Variants in PXDC1 observed in about 807,000 individuals in gnomAD.
The protein encoded by PXDC1 is PX domain containing 1.
In PXDC1, 13 loss-of-function variants were observed where a neutral mutation model predicts 24.4. The ratio of observed to expected loss-of-function variants is 0.53; its 90% CI spans 0.35 to 0.85. The LOEUF (loss-of-function observed/expected upper bound fraction) is 0.85, where lower values mean the gene tolerates loss of function less well. PXDC1 is among the 40% of genes least tolerant of loss of function. The probability of loss-of-function intolerance (pLI) is 0.01; values close to 1 mark genes in which losing one functional copy is unlikely to be tolerated. For synonymous variants in PXDC1, 162 were observed against 124.9 expected, an observed-to-expected ratio of 1.30 and a Z score of -1.98; for missense variants, 344 against 309.3, an observed-to-expected ratio of 1.11 and a Z score of -0.84.
In PXDC1 at chr6:3,735,180, G is replaced by A. The variant is rs553710875; in HGVS notation, c.466+1899C>T. ...AAAGCAATCTTGAGCAAAGCCAGAG[G>A]CATCACACTACACAATTTCAAAATA... is the stretch of plus-strand genomic sequence containing the variant. On this transcript the variant is annotated intron_variant, in intron 3 of 4. Coordinates refer to ENST00000380283, the MANE Select transcript of PXDC1 (RefSeq NM_183373.4). Among the ~76,000 whole-genome samples the A allele has an allele frequency of 3.3e-5, 5 of 152,258 alleles. No individual in the cohort carries two copies. In the South Asian group the frequency reaches 1.0e-3, roughly 32 times the overall value.
Position 3,738,907 on chromosome 6 carries a change from T to C in PXDC1, c.257-759A>G, listed in dbSNP as rs573081425. ...CGTCGGCTTTGCAGGGATGGGGAAG[T>C]AGGTGCCCAAGGACACTGGCGTCTC... On this transcript the variant is annotated intron_variant, in intron 1 of 4. Coordinates refer to ENST00000380283, the MANE Select transcript of PXDC1 (RefSeq NM_183373.4). 53 of 1,302,502 alleles carry C rather than the reference T, an allele frequency of 4.1e-5. 1 individual carries two copies. The South Asian group carries it at 4.8e-4, about 12-fold the overall frequency. The allele number at this position is 1,302,502 out of a possible 1,614,324, so 80.7% of individuals were successfully genotyped here.
chr6:3,747,294 A>G (rs1760592402), intron 1 of PXDC1, among the ~76,000 whole-genome samples: 1 of 151,990 alleles, frequency 6.6e-6, no homozygotes, highest in Admixed American at 6.5e-5. Context: ...AATGCACATC[A>G]GCGTTTGCCC....
rs189906836 is a variant in PXDC1 at position 3,737,418 on chromosome 6, C to A, written c.349-222G>T. 3.3e-5 allele frequency among the ~76,000 whole-genome samples: 5 copies of A among 152,228 alleles called. No homozygotes were observed. The highest frequency in any genetic ancestry group is 3.3e-4 in the Admixed American group (5 of 15,286). On this transcript the variant is annotated intron_variant, in intron 2 of 4. Coordinates refer to ENST00000380283, the MANE Select transcript of PXDC1 (RefSeq NM_183373.4). This position sits in a 1 kb window ranked among gnomAD's most constrained non-coding sequence, Gnocchi z 5.5. ...AGGCGGCTGAAAGGCAAGGCCTCAG[C>A]GACCTGGGCAGTGGAGGGAATCATG...
chr6:3,723,803 G>A (rs1759995127), intron 4 of PXDC1, 67 bp from the exon 5 acceptor site: 3 of 1,268,996 alleles, frequency 2.4e-6, no homozygotes, highest in Admixed American at 1.7e-5. Flanking sequence ...CACCCGCCGG[G>A]ACCATGAGCA....
rs1403957399 is a variant in PXDC1 at position 3,724,587 on chromosome 6, C to T, written c.579-851G>A. On this transcript the variant is annotated intron_variant, in intron 4 of 4. Coordinates refer to ENST00000380283, the MANE Select transcript of PXDC1 (RefSeq NM_183373.4). The surrounding 1 kb of genome is among the most constrained non-coding windows in gnomAD (Gnocchi z 4.5). ...TCCTCCACCTATGAATCAGCCCAAA[C>T]CCAGCAGGCCGCGTGGGAGTGTGGA... 6.6e-6 allele frequency among the ~76,000 whole-genome samples: 1 copy of T among 152,194 alleles called. No individual in the cohort carries two copies. Among genetic ancestry groups the T allele is most frequent in the African/African-American group, 2.4e-5 (1 of 41,448 alleles).
intron 1 of PXDC1, among the ~76,000 whole-genome samples, chr6:3,743,236 G>A (rs917067860): frequency 2.0e-5 from 3 of 152,128 alleles, no homozygotes; most frequent in Non-Finnish European, 2.9e-5. Flanking sequence ...GCGCTGGGAG[G>A]TCACACGTTA....
At chr6:3,745,046 C>G (rs1460414393) in intron 1 of PXDC1, among the ~76,000 whole-genome samples, 1 of 152,210 alleles carries the variant, frequency 6.6e-6, no homozygotes, top group African/African-American at 2.4e-5. Flanking sequence ...TCTTAGGTAA[C>G]CCAAACCTGG....
rs926790870 is a variant in PXDC1 at position 3,724,020 on chromosome 6, A to C, written c.579-284T>G. On this transcript the variant is annotated intron_variant, in intron 4 of 4. Coordinates refer to ENST00000380283, the MANE Select transcript of PXDC1 (RefSeq NM_183373.4). The surrounding 1 kb of genome is among the most constrained non-coding windows in gnomAD (Gnocchi z 4.5). ...GATTTTCACCTCTTGTTCTGTGCCC[A>C]GCACCGCGTCAGGCTGTGGGATCAG... Among the ~76,000 whole-genome samples, 3 of 152,190 alleles carry C rather than the reference A, an allele frequency of 2.0e-5. No individual in the cohort carries two copies. Among genetic ancestry groups the C allele is most frequent in the African/African-American group, 7.2e-5 (3 of 41,440 alleles).
rs900690646 is a variant in PXDC1, at chr6:3,727,648, T to C, written c.481A>G (p.Asn161Asp). The C allele has an allele frequency of 5.0e-6, 8 of 1,612,656 alleles. No individual in the cohort carries two copies. The African/African-American group carries it at 6.7e-5, about 13-fold the overall frequency. Residue 161 changes from asparagine (N) to aspartate (D), a missense_variant, in exon 4 of 5, where the codon AAT (asparagine) becomes GAT (aspartate). Physicochemically the swap from Asn to Asp is conservative, Grantham distance 23. Transcript: ENST00000380283. ...TCGGTATTTGCTAAACAAAATCCATTGGACCTCATGATTTCTGAAAACCAA... is the reference window on the plus strand; with the variant it reads ...TCGGTATTTGCTAAACAAAATCCATCGGACCTCATGATTTCTGAAAACCAA... ...PVKISEIMRS[N>D]GFCLANTETI... is the part of the protein sequence containing the mutation.
In PXDC1 at chr6:3,751,524, G is replaced by C; in HGVS notation, c.8C>G (p.Ser3Trp). 1 of 1,585,734 alleles carries C rather than the reference G, an allele frequency of 6.3e-7. No homozygotes were observed. The highest frequency in any genetic ancestry group is 8.6e-7 in the Non-Finnish European group (1 of 1,168,802). ...GAGCGACGTGCCCTCAAACACCGCC[G>C]AGGCCATGTCGCACGCATGCCCCCG... MA[S>W]AVFEGTSLVN... The change falls in exon 1 of 5, where the codon TCG becomes TGG. Residue 3 changes from serine to tryptophan, a missense_variant. Ser to Trp is a radical substitution (Grantham distance 177). Transcript: ENST00000380283.
intron 1 of PXDC1, among the ~76,000 whole-genome samples, chr6:3,746,896 T>G (rs1283586055): frequency 6.6e-6 from 1 of 152,060 alleles, no homozygotes; most frequent in African/African-American, 2.4e-5. Context: ...GGGAGTCTGG[T>G]AGTCACATCT....
chr6:3,750,962 G>T, intron 1 of PXDC1: 1 of 323,422 alleles, frequency 3.1e-6, no homozygotes, highest in Non-Finnish European at 5.6e-6. Flanking sequence ...GCTCAGCCCC[G>T]GGCGCCCCCG....
At chr6:3,751,123 C>T (rs1760704764) in intron 1 of PXDC1, 153 bp downstream of exon 1, 1 of 599,328 alleles carries the variant, frequency 1.7e-6, no homozygotes, top group Non-Finnish European at 2.7e-6. Flanking sequence ...CGCCCGGGCA[C>T]CCCTCGTCTG....
At chr6:3,739,739 G>A (rs554535956) in intron 1 of PXDC1, among the ~76,000 whole-genome samples, 5 of 152,336 alleles carry the variant, frequency 3.3e-5, no homozygotes, top group East Asian at 1.9e-4. Flanking sequence ...CAGACTCTCC[G>A]GATGCCTCCT....
intron 4 of PXDC1, 97 bp from the exon 5 acceptor site, chr6:3,723,833 G>GT (rs1170402179): frequency 3.3e-6 from 3 of 913,930 alleles, no homozygotes; most frequent in Non-Finnish European, 3.5e-6. Context: ...ATGCCCGCTA[G>GT]TAAGTGTGCA....
At chr6:3,734,026 C>G (rs1211821893) in intron 3 of PXDC1, among the ~76,000 whole-genome samples, 3 of 152,204 alleles carry the variant, frequency 2.0e-5, no homozygotes, top group African/African-American at 7.2e-5. Context: ...CCTTCCTAGA[C>G]CTGGACACTG....
In PXDC1 at chr6:3,737,544, G is replaced by A. The variant is rs1561735635; in HGVS notation, c.349-348C>T. The A allele has an allele frequency of 2.4e-6, 1 of 418,592 alleles. No individual in the cohort carries two copies. The highest frequency in any genetic ancestry group is 2.2e-5 in the African/African-American group (1 of 46,448). The allele number at this position is 418,592 out of a possible 1,614,324, so 25.9% of individuals were successfully genotyped here. A position where few individuals can be genotyped will look rare whatever the true frequency, so the allele number is the denominator to read the frequency against. On this transcript the variant is annotated intron_variant, in intron 2 of 4. Coordinates refer to ENST00000380283, the MANE Select transcript of PXDC1 (RefSeq NM_183373.4). The surrounding 1 kb of genome is among the most constrained non-coding windows in gnomAD (Gnocchi z 5.5). Reference sequence around the variant, plus strand: ...GCCAGAAAGAAAGGGAAGCTTCCAGGAGCTAAGGAGGTCTGCCTGGCGCTC... The same window carrying A: ...GCCAGAAAGAAAGGGAAGCTTCCAGAAGCTAAGGAGGTCTGCCTGGCGCTC...
intron 1 of PXDC1, chr6:3,738,703 G>A (rs1561736318): frequency 2.7e-6 from 3 of 1,107,230 alleles, no homozygotes; most frequent in South Asian, 1.3e-5. Flanking sequence ...CACGACTCAT[G>A]CCACTTTCCA....
intron 3 of PXDC1, 80 bp from the exon 4 acceptor site, chr6:3,727,742 C>T: frequency 1.1e-6 from 1 of 877,996 alleles, no homozygotes; most frequent in South Asian, 1.4e-5. Flanking sequence ...ACTCCCATCT[C>T]CCTGCTTTCT....
Sources: allele counts gnomAD v4.1 joint callset (sites outside exome capture counted in the v4.1 genomes callset), GRCh38; gene constraint gnomAD v4.1.1; non-coding constraint Gnocchi (gnomAD v3.1); transcripts MANE v1.5; gene names NCBI Gene and HGNC (gene_info 2026-07-23, HGNC 2026-07-21).